Variants in CEP164 observed in about 807,000 individuals in gnomAD.
CEP164 encodes the protein centrosomal protein 164.
In CEP164, 162 loss-of-function variants were observed where a neutral mutation model predicts 182.7. The ratio of observed to expected loss-of-function variants is 0.89; its 90% CI spans 0.78 to 1.01. CEP164 has a LOEUF of 1.01. Among genes scored for constraint, CEP164 ranks in the 50% least tolerant of loss-of-function variants. The probability of loss-of-function intolerance (pLI) is 0.00; values close to 1 mark genes in which losing one functional copy is unlikely to be tolerated. For synonymous variants in CEP164, 661 were observed against 690.0 expected (o/e 0.96, Z 0.66); for missense variants, 1,735 against 1,790.4 (o/e 0.97, Z 0.56).
At chr11:117,322,176 C>T (rs1591889054) in intron 1 of CEP164, among the ~76,000 whole-genome samples, 2 of 152,080 alleles carry the variant, frequency 1.3e-5, no homozygotes, top group Admixed American at 1.3e-4. Context: ...AGTACAGTGG[C>T]GTGATCTTGG....
At chr11:117,331,983 T>TATATAC (rs1555078541) in intron 1 of CEP164, among the ~76,000 whole-genome samples, 47 of 132,894 alleles carry the variant, frequency 3.5e-4, no homozygotes, top group African/African-American at 1.3e-3. Flanking sequence ...GCCTGGCTAA[T>TATATAC]ATATATATAT....
chr11:117,380,866 C>A (rs183819225), intron 12 of CEP164, among the ~76,000 whole-genome samples, 161 bp downstream of exon 12: 1 of 152,106 alleles, frequency 6.6e-6, no homozygotes, highest in Admixed American at 6.5e-5. Context: ...TGTGCACATG[C>A]GTGTGTATAT....
At chr11:117,397,393 C>G in intron 27 of CEP164, 80 bp downstream of exon 27, 2 of 1,365,550 alleles carry the variant, frequency 1.5e-6, no homozygotes, top group Non-Finnish European at 2.0e-6. Context: ...TTGGGCTCCC[C>G]CTCAGTTGGT....
chr11:117,359,863 G>C (rs1362795408), intron 5 of CEP164, among the ~76,000 whole-genome samples: 1 of 152,148 alleles, frequency 6.6e-6, no homozygotes, highest in Non-Finnish European at 1.5e-5. Flanking sequence ...TGCACACCTA[G>C]TCAGGTGGCA....
chr11:117,357,081 AAGTTAATAT>A (rs1565472799), intron 5 of CEP164, among the ~76,000 whole-genome samples: 1 of 152,116 alleles, frequency 6.6e-6, no homozygotes, highest in South Asian at 2.1e-4. Context: ...CAGAACTAGA[AAGTTAATAT>A]TATTTTTTAT....
chr11:117,369,581 A>G (rs2041994286), intron 8 of CEP164, among the ~76,000 whole-genome samples: 1 of 152,220 alleles, frequency 6.6e-6, no homozygotes, highest in Admixed American at 6.5e-5. Context: ...TGCCATGCTT[A>G]GGGCTTCTTC....
chr11:117,322,260 CGT>C (rs1407106264), intron 1 of CEP164, among the ~76,000 whole-genome samples: 1 of 151,958 alleles, frequency 6.6e-6, no homozygotes, highest in Non-Finnish European at 1.5e-5. Flanking sequence ...GGACTACAGG[CGT>C]GTACCACCAT....
intron 4 of CEP164, among the ~76,000 whole-genome samples, chr11:117,349,925 C>T (rs1303756241): frequency 6.6e-6 from 1 of 152,158 alleles, no homozygotes; most frequent in East Asian, 1.9e-4. Context: ...CAGGCACACG[C>T]CACCATGCCT....
rs539939395 is a variant in CEP164 at position 117,363,422 on chromosome 11, T to C, written c.688-7T>C. On this transcript the variant is annotated splice_polypyrimidine_tract_variant and splice_region_variant and intron_variant, in intron 7 of 32. Transcript: ENST00000278935. Reference sequence around the variant, plus strand: ...GAGTTACCACTTGTCATCATTTTTGTTTCTAGAGTGTCCACAGCTCAAGTG... The same window carrying C: ...GAGTTACCACTTGTCATCATTTTTGCTTCTAGAGTGTCCACAGCTCAAGTG... The C allele has an allele frequency of 2.4e-4, 379 of 1,610,684 alleles. 9 individuals carry two copies. In the South Asian group the frequency reaches 3.9e-3, roughly 16 times the overall value.
chr11:117,379,625 A>AT (rs1198079796), intron 11 of CEP164, among the ~76,000 whole-genome samples: 1 of 152,132 alleles, frequency 6.6e-6, no homozygotes, highest in Non-Finnish European at 1.5e-5. Context: ...CCTTACGTAT[A>AT]TGAGCTGATT....
At chr11:117,375,531 T>C (rs1464922453) in intron 10 of CEP164, among the ~76,000 whole-genome samples, 177 bp from the exon 11 acceptor site, 2 of 152,226 alleles carry the variant, frequency 1.3e-5, no homozygotes, top group African/African-American at 4.8e-5. Context: ...GACATATCTT[T>C]CCATTGAGTC....
At chr11:117,383,416 C>T (rs2043569687) in intron 14 of CEP164, among the ~76,000 whole-genome samples, 1 of 152,148 alleles carries the variant, frequency 6.6e-6, no homozygotes. Flanking sequence ...GTGCCCCTCT[C>T]AAACCACTCA....
At chr11:117,326,302 C>T (rs540273), upstream of CEP164, among the ~76,000 whole-genome samples, 5,695 of 152,134 alleles carry the variant, frequency 0.037, 183 homozygotes, top group Non-Finnish European at 0.058. Flanking sequence ...GATCTGGGCT[C>T]ATTGCAACCT....
intron 1 of CEP164, among the ~76,000 whole-genome samples, chr11:117,322,502 G>A (rs1052491216): frequency 6.6e-6 from 1 of 152,002 alleles, no homozygotes; most frequent in African/African-American, 2.4e-5. Context: ...CAGTGTTACT[G>A]TTAACCATTG....
At chr11:117,336,320 C>T (rs1332327835) in intron 2 of CEP164, 7 of 1,492,666 alleles carry the variant, frequency 4.7e-6, no homozygotes, top group Non-Finnish European at 6.5e-6. Context: ...TTCTTGTCCG[C>T]TGTCACTGCT....
At chr11:117,392,671 G>A (rs766853858) in intron 19 of CEP164, 44 bp downstream of exon 19, 2 of 1,601,694 alleles carry the variant, frequency 1.2e-6, no homozygotes, top group East Asian at 2.2e-5. Flanking sequence ...GCCTGTTGTG[G>A]ACTCTCTTAC....
intron 11 of CEP164, among the ~76,000 whole-genome samples, chr11:117,379,698 C>G (rs148241830): frequency 6.6e-6 from 1 of 152,180 alleles, no homozygotes; most frequent in African/African-American, 2.4e-5. Flanking sequence ...GTGGAGGAGA[C>G]AGACTTCCTA....
At chr11:117,356,620 A>G (rs1272963228) in intron 5 of CEP164, 1 of 1,281,946 alleles carries the variant, frequency 7.8e-7, no homozygotes, top group Non-Finnish European at 1.0e-6. Context: ...TCAACCAGGT[A>G]GGCTTCTTAG....
chr11:117,345,957 C>T (rs1289113640), intron 4 of CEP164, among the ~76,000 whole-genome samples: 1 of 152,112 alleles, frequency 6.6e-6, no homozygotes, highest in East Asian at 1.9e-4. Flanking sequence ...AAAGTTCTGG[C>T]ATTACAGGCG....
Sources: allele counts gnomAD v4.1 joint callset (sites outside exome capture counted in the v4.1 genomes callset), GRCh38; gene constraint gnomAD v4.1.1; transcripts MANE v1.5; gene names NCBI Gene and HGNC (gene_info 2026-07-23, HGNC 2026-07-21).